The following SGCZ variants were observed in gnomAD, a reference collection of about 807,000 sequenced individuals.
SGCZ encodes the protein sarcoglycan zeta.
In SGCZ, 40 loss-of-function variants were observed where a neutral mutation model predicts 41.3. That is an observed-to-expected ratio of 0.97 (90% CI 0.75 to 1.26). The LOEUF (loss-of-function observed/expected upper bound fraction) is 1.26, where lower values mean the gene tolerates loss of function less well. SGCZ is among the 50% of genes most tolerant of loss of function. The pLI, the probability that SGCZ is intolerant of heterozygous loss-of-function variation, is 0.00. For missense variants in SGCZ, 552 were observed against 369.8 expected, an observed-to-expected ratio of 1.49 and a Z score of -4.04; for synonymous variants, 206 against 137.5, an observed-to-expected ratio of 1.50 and a Z score of -3.49.
intron 1 of SGCZ, among the ~76,000 whole-genome samples, chr8:15,156,305 T>C (rs1799329586): frequency 6.6e-6 from 1 of 152,110 alleles, no homozygotes; most frequent in African/African-American, 2.4e-5. Context: ...AATCTAAAGT[T>C]CCTACGCAGA....
chr8:14,691,757 T>G (rs963011300), intron 1 of SGCZ, among the ~76,000 whole-genome samples: 61 of 152,110 alleles, frequency 4.0e-4, no homozygotes, highest in South Asian at 6.2e-4. Context: ...AATAATAAAA[T>G]AGCAATAATG....
At chr8:14,596,974 C>T (rs1366879754) in intron 1 of SGCZ, among the ~76,000 whole-genome samples, 1 of 152,092 alleles carries the variant, frequency 6.6e-6, no homozygotes, top group Non-Finnish European at 1.5e-5. Context: ...TTGGGGAACC[C>T]TGAAATCTAA....
At chr8:14,360,699 TC>T (rs1803480305) in intron 2 of SGCZ, among the ~76,000 whole-genome samples, 2 of 152,154 alleles carry the variant, frequency 1.3e-5, no homozygotes, top group African/African-American at 4.8e-5. Flanking sequence ...GTTTGCTTAG[TC>T]TGTTTAAGGG....
intron 1 of SGCZ, among the ~76,000 whole-genome samples, chr8:14,674,562 CA>C (rs1205717550): frequency 6.6e-6 from 1 of 152,128 alleles, no homozygotes; most frequent in Admixed American, 6.5e-5. Context: ...ATTCATTCCA[CA>C]AATTTCAGTT....
chr8:14,267,251 G>T (rs1799904155), intron 3 of SGCZ, among the ~76,000 whole-genome samples: 2 of 151,884 alleles, frequency 1.3e-5, no homozygotes, highest in Admixed American at 1.3e-4. Context: ...TTTTAATACT[G>T]AACAAGTATT....
intron 1 of SGCZ, among the ~76,000 whole-genome samples, chr8:14,809,489 A>T (rs1372968759): frequency 6.6e-6 from 1 of 152,154 alleles, no homozygotes; most frequent in Non-Finnish European, 1.5e-5. Context: ...TTCGGCATAG[A>T]AACCACTTGG....
At chr8:15,159,701 A>AT (rs1172551816) in intron 1 of SGCZ, among the ~76,000 whole-genome samples, 18 of 93,550 alleles carry the variant, frequency 1.9e-4, no homozygotes, top group African/African-American at 6.5e-4. Context: ...AGGTTTTTTT[A>AT]TTTTTTTTGT....
chr8:15,199,928 G>A (rs987426060), intron 1 of SGCZ, among the ~76,000 whole-genome samples: 1 of 152,044 alleles, frequency 6.6e-6, no homozygotes, highest in Non-Finnish European at 1.5e-5. Flanking sequence ...AAAATGTAAG[G>A]GCCAATTACA....
chr8:14,629,082 T>G (rs980193782), intron 1 of SGCZ, among the ~76,000 whole-genome samples: 32 of 152,160 alleles, frequency 2.1e-4, no homozygotes, highest in Non-Finnish European at 3.4e-4. Flanking sequence ...GGGGAAAAAT[T>G]TAATCTATCA....
chr8:14,919,687 G>A (rs928163663), intron 1 of SGCZ, among the ~76,000 whole-genome samples: 1 of 152,158 alleles, frequency 6.6e-6, no homozygotes, highest in African/African-American at 2.4e-5. Flanking sequence ...GGAGGACGAG[G>A]CAGGCAGATC....
intron 1 of SGCZ, among the ~76,000 whole-genome samples, chr8:15,025,702 G>C (rs1402983862): frequency 6.6e-6 from 1 of 152,134 alleles, no homozygotes; most frequent in Non-Finnish European, 1.5e-5. Flanking sequence ...ATTATCATGG[G>C]TATGGAGAGA....
At chr8:14,453,161 A>C (rs1030181804) in intron 2 of SGCZ, among the ~76,000 whole-genome samples, 1 of 152,164 alleles carries the variant, frequency 6.6e-6, no homozygotes, top group Non-Finnish European at 1.5e-5. Context: ...CATTATATAC[A>C]TCCTGGACAT....
intron 4 of SGCZ, among the ~76,000 whole-genome samples, chr8:14,214,546 A>G (rs560293284): frequency 6.6e-6 from 1 of 152,280 alleles, no homozygotes; most frequent in Non-Finnish European, 1.5e-5. Context: ...TGCAAATGCA[A>G]AACTGATTTA....
intron 3 of SGCZ, among the ~76,000 whole-genome samples, chr8:14,266,696 C>G (rs1217986345): frequency 1.3e-5 from 2 of 152,012 alleles, no homozygotes; most frequent in African/African-American, 4.8e-5. Context: ...TTATCCTAAG[C>G]AAAGATAAGG....
At chr8:14,637,036 T>A (rs1384266715) in intron 1 of SGCZ, among the ~76,000 whole-genome samples, 1 of 151,776 alleles carries the variant, frequency 6.6e-6, no homozygotes, top group East Asian at 1.9e-4. Context: ...TTCATTGCAA[T>A]CTCCTATTTT....
chr8:14,378,068 T>C (rs1051971603), intron 2 of SGCZ, among the ~76,000 whole-genome samples: 5 of 149,938 alleles, frequency 3.3e-5, no homozygotes, highest in African/African-American at 1.3e-4. Context: ...CTGGGTCAAA[T>C]AGTATTTCTA....
chr8:14,565,267 T>C (rs549755498), intron 1 of SGCZ, among the ~76,000 whole-genome samples: 2 of 152,282 alleles, frequency 1.3e-5, no homozygotes, highest in East Asian at 1.9e-4. Context: ...GACAGTTTTA[T>C]GTGGGAAATA....
At chr8:14,641,410 A>C (rs931832298) in intron 1 of SGCZ, among the ~76,000 whole-genome samples, 2 of 151,852 alleles carry the variant, frequency 1.3e-5, no homozygotes, top group African/African-American at 4.8e-5. Flanking sequence ...GTAACATTTG[A>C]AATACCAGGA....
intron 1 of SGCZ, among the ~76,000 whole-genome samples, chr8:14,826,157 C>A (rs1004684646): frequency 6.9e-6 from 1 of 144,502 alleles, no homozygotes; most frequent in Non-Finnish European, 1.5e-5. Context: ...TTGTTCAATT[C>A]CCACCTATGA....
Sources: gnomAD v4.1 joint callset for allele counts (sites outside exome capture counted in the v4.1 genomes callset) on GRCh38, gnomAD v4.1.1 for gene constraint, MANE v1.5 for transcripts, NCBI Gene and HGNC (gene_info 2026-07-23, HGNC 2026-07-21) for gene names.